The following DYNC1I1 variants were observed in gnomAD, a reference collection of about 807,000 sequenced individuals.
DYNC1I1 encodes the protein cytoplasmic dynein 1 intermediate chain 1.
Under a neutral mutation model 86.6 loss-of-function variants are expected in DYNC1I1, and 43 were observed. The ratio of observed to expected loss-of-function variants is 0.50; its 90% CI spans 0.39 to 0.64. The LOEUF (loss-of-function observed/expected upper bound fraction) is 0.64, where lower values mean the gene tolerates loss of function less well. Among genes scored for constraint, DYNC1I1 ranks in the 30% least tolerant of loss-of-function variants. The probability of loss-of-function intolerance (pLI) is 0.00; values close to 1 mark genes in which losing one functional copy is unlikely to be tolerated. For synonymous variants in DYNC1I1, 262 were observed against 283.7 expected, an observed-to-expected ratio of 0.92 and a Z score of 0.77; for missense variants, 604 against 788.8, an observed-to-expected ratio of 0.77 and a Z score of 2.81.
chr7:96,087,303 C>T (rs1050654343), intron 16 of DYNC1I1, among the ~76,000 whole-genome samples: 2 of 152,172 alleles, frequency 1.3e-5, no homozygotes, highest in African/African-American at 4.8e-5. Flanking sequence ...ATAAAAAGAA[C>T]TGCATTTGCA....
In DYNC1I1 at chr7:95,796,292, G is replaced by GTC. The variant is rs574506893; in HGVS notation, c.-9-8415_-9-8414dup. On this transcript the variant is annotated intron_variant, in intron 1 of 16. Transcript: ENST00000447467. Reference sequence around the variant, plus strand: ...AATCTTTCACACATTGTTCTATGGGGTCTCTCTCTCTCTCTTTCTTTCCTT... The same window carrying GTC: ...AATCTTTCACACATTGTTCTATGGGGTCTCTCTCTCTCTCTCTTTCTTTCCTT... Among the ~76,000 whole-genome samples, 729 of 151,508 alleles carry GTC rather than the reference G, an allele frequency of 4.8e-3. 3 individuals carry two copies. Among genetic ancestry groups the GTC allele is most frequent in the African/African-American group, 0.017 (686 of 41,302 alleles).
At chr7:96,064,592 A>G (rs142574117) in intron 14 of DYNC1I1, among the ~76,000 whole-genome samples, 1 of 151,962 alleles carries the variant, frequency 6.6e-6, no homozygotes, top group Non-Finnish European at 1.5e-5. Context: ...AAGTGAGGGG[A>G]AAGGTTCTGA....
chr7:95,822,497 G>A (rs1328748795), intron 4 of DYNC1I1, among the ~76,000 whole-genome samples: 1 of 152,096 alleles, frequency 6.6e-6, no homozygotes, highest in African/African-American at 2.4e-5. Flanking sequence ...TTTCCATGTT[G>A]GGAAGCTTCT....
intron 6 of DYNC1I1, among the ~76,000 whole-genome samples, chr7:95,926,092 A>G (rs915674408): frequency 7.2e-5 from 11 of 152,174 alleles, no homozygotes; most frequent in African/African-American, 2.7e-4. Flanking sequence ...AATCATCTTC[A>G]TCTTGCTGAA....
intron 6 of DYNC1I1, among the ~76,000 whole-genome samples, chr7:95,872,632 G>C (rs1790203117): frequency 6.6e-6 from 1 of 152,114 alleles, no homozygotes; most frequent in Admixed American, 6.5e-5. Flanking sequence ...ACTCCAGACA[G>C]TGATATAAAT....
intron 6 of DYNC1I1, among the ~76,000 whole-genome samples, chr7:95,911,331 A>G (rs1791329220): frequency 2.0e-5 from 3 of 152,178 alleles, no homozygotes; most frequent in Admixed American, 2.0e-4. Context: ...GGAGGAAGGC[A>G]TTCAGATTCT....
At chr7:96,083,791 A>G (rs1048082099) in intron 16 of DYNC1I1, among the ~76,000 whole-genome samples, 13 of 152,202 alleles carry the variant, frequency 8.5e-5, no homozygotes, top group African/African-American at 2.7e-4. Context: ...AATATTCAAA[A>G]TTGGTTCCCT....
At chr7:95,809,791 T>C (rs922639723) in intron 2 of DYNC1I1, among the ~76,000 whole-genome samples, 1 of 152,178 alleles carries the variant, frequency 6.6e-6, no homozygotes, top group Non-Finnish European at 1.5e-5. Context: ...TTAGTATATA[T>C]AATGGAATGC....
At chr7:95,979,938 T>A (rs538750373) in intron 7 of DYNC1I1, among the ~76,000 whole-genome samples, 4 of 152,236 alleles carry the variant, frequency 2.6e-5, no homozygotes, top group Admixed American at 2.6e-4. Context: ...TAAGTCAGGA[T>A]CTATTAAAGT....
chr7:96,036,070 A>G (rs1448670716), intron 13 of DYNC1I1, among the ~76,000 whole-genome samples: 1 of 152,038 alleles, frequency 6.6e-6, no homozygotes, highest in Non-Finnish European at 1.5e-5. Flanking sequence ...CAATCCCCAA[A>G]TATTTCTTAT....
intron 6 of DYNC1I1, among the ~76,000 whole-genome samples, chr7:95,917,692 A>G (rs967571151): frequency 2.0e-5 from 3 of 152,242 alleles, no homozygotes; most frequent in Non-Finnish European, 4.4e-5. Context: ...AGTTTGTGCC[A>G]ACAGCATCGT....
At chr7:95,993,966 C>T (rs1031180425) in intron 9 of DYNC1I1, among the ~76,000 whole-genome samples, 1 of 152,082 alleles carries the variant, frequency 6.6e-6, no homozygotes, top group Non-Finnish European at 1.5e-5. Flanking sequence ...TGAAATGTGT[C>T]CTAACTCATA....
At chr7:95,933,151 G>A (rs893951311) in intron 6 of DYNC1I1, among the ~76,000 whole-genome samples, 7 of 152,088 alleles carry the variant, frequency 4.6e-5, no homozygotes, top group African/African-American at 1.7e-4. Context: ...CCGAAGTGCT[G>A]GGATTACAGA....
chr7:95,837,827 TCGCGCATGGTG>T (rs1789154592), intron 5 of DYNC1I1, among the ~76,000 whole-genome samples: 1 of 152,262 alleles, frequency 6.6e-6, no homozygotes, highest in South Asian at 2.1e-4. Context: ...CTGCTTCGGC[TCGCGCATGGTG>T]CGCGCACCCA....
At chr7:96,000,405 G>A (rs1417883330) in intron 10 of DYNC1I1, among the ~76,000 whole-genome samples, 1 of 151,968 alleles carries the variant, frequency 6.6e-6, no homozygotes, top group Non-Finnish European at 1.5e-5. Context: ...ATAAAATCAT[G>A]GAAAATTTAA....
At chr7:95,861,120 C>G (rs556337912) in intron 5 of DYNC1I1, among the ~76,000 whole-genome samples, 1 of 152,212 alleles carries the variant, frequency 6.6e-6, no homozygotes, top group African/African-American at 2.4e-5. Flanking sequence ...GAGTGCCACA[C>G]TCTGGCTTCT....
chr7:95,995,107 C>T lies in DYNC1I1; in HGVS notation c.844-841C>T, dbSNP rs557529195. On this transcript the variant is annotated intron_variant, in intron 9 of 16. Transcript: ENST00000447467. The stretch of plus-strand genomic sequence containing the variant: ...CTAAAAATACAAAAAATTAGCCAGG[C>T]GTGGTGGCCGGCGCCTGTAGTCCCA... Among the ~76,000 whole-genome samples, 330 of 152,052 alleles carry T rather than the reference C, an allele frequency of 2.2e-3. 1 individual carries two copies. Among genetic ancestry groups the T allele is most frequent in the African/African-American group, 7.3e-3 (304 of 41,464 alleles).
intron 6 of DYNC1I1, among the ~76,000 whole-genome samples, chr7:95,892,662 A>C (rs925703386): frequency 3.3e-5 from 5 of 151,920 alleles, no homozygotes; most frequent in African/African-American, 4.8e-5. Flanking sequence ...GGCCAGGCTG[A>C]TCTTGAATTC....
chr7:95,846,907 A>C (rs1006738998), intron 5 of DYNC1I1, among the ~76,000 whole-genome samples: 7 of 152,084 alleles, frequency 4.6e-5, no homozygotes, highest in African/African-American at 1.4e-4. Context: ...TTTTCTATAG[A>C]TCCAACATTT....
Sources: gnomAD v4.1 joint callset for allele counts (sites outside exome capture counted in the v4.1 genomes callset) on GRCh38, gnomAD v4.1.1 for gene constraint, MANE v1.5 for transcripts, NCBI Gene and HGNC (gene_info 2026-07-23, HGNC 2026-07-21) for gene names.